Variants in GPC5 observed in about 807,000 individuals in gnomAD.
GPC5 encodes glypican 5, also known as glypican-5.
GPC5 carries 47 observed loss-of-function variants against 53.9 expected under a neutral mutation model. The observed-to-expected ratio is 0.87, with a 90% CI of 0.69 to 1.11. The LOEUF (loss-of-function observed/expected upper bound fraction) is 1.11, where lower values mean the gene tolerates loss of function less well. Among genes scored for constraint, GPC5 ranks in the 50% most tolerant of loss-of-function variants. GPC5 has a pLI of 0.00. For synonymous variants in GPC5, 286 were observed against 263.3 expected (o/e 1.09, Z -0.84); for missense variants, 748 against 713.1 (o/e 1.05, Z -0.56).
At chr13:92,815,197 G>A (rs1877427315) in intron 7 of GPC5, among the ~76,000 whole-genome samples, 1 of 151,938 alleles carries the variant, frequency 6.6e-6, no homozygotes, top group Admixed American at 6.6e-5. Context: ...TAACTGCTAT[G>A]AAAGCAATAG....
At position 92,642,698 on chromosome 13, in the gene GPC5, G is replaced by A. The variant is rs1220691461; in HGVS notation, c.1562-223584G>A. On this transcript the variant is annotated intron_variant, in intron 7 of 7. Transcript: ENST00000377067. ...AAATTTGTAGTTAGACAGTTTAGCC[G>A]AGGGGAGCTTAAATGTTCCATGTAG... 3.9e-5 allele frequency among the ~76,000 whole-genome samples: 6 copies of A among 152,188 alleles called. No individual in the cohort carries two copies. The South Asian group carries it at 6.2e-4, about 16-fold the overall frequency.
chr13:92,085,708 C>T (rs1363467281), intron 6 of GPC5, among the ~76,000 whole-genome samples: 1 of 152,156 alleles, frequency 6.6e-6, no homozygotes, highest in Non-Finnish European at 1.5e-5. Context: ...GTGTTCCCAT[C>T]TGGGGGGTGA....
chr13:92,360,557 A>G (rs553461452), intron 7 of GPC5, among the ~76,000 whole-genome samples: 9 of 150,460 alleles, frequency 6.0e-5, no homozygotes, highest in Admixed American at 3.3e-4. Context: ...ATTTCCCTTA[A>G]AAACTGGCAC....
At chr13:92,559,462 C>G (rs192522065) in intron 7 of GPC5, among the ~76,000 whole-genome samples, 1 of 151,468 alleles carries the variant, frequency 6.6e-6, no homozygotes, top group Non-Finnish European at 1.5e-5. Flanking sequence ...CCCCTCCTGC[C>G]GCTACTCAAT....
In GPC5 at chr13:91,703,879, T is replaced by C. The variant is rs77969122; in HGVS notation, c.1020+9998T>C. ...TTCTTCATGATTCAGTCTTGGTAGT[T>C]TGTATGTTTCTAGGCATTTTTCCAT... On this transcript the variant is annotated intron_variant, in intron 3 of 7. Transcript: ENST00000377067. Among the ~76,000 whole-genome samples, 773 of 152,312 alleles carry C rather than the reference T, an allele frequency of 5.1e-3. 6 individuals are homozygous for C. Among genetic ancestry groups the C allele is most frequent in the African/African-American group, 0.018 (748 of 41,584 alleles).
At chr13:91,405,091 A>G (rs1347628212) in intron 1 of GPC5, among the ~76,000 whole-genome samples, 3 of 152,252 alleles carry the variant, frequency 2.0e-5, no homozygotes, top group African/African-American at 7.2e-5. Context: ...GGTTTCCAGT[A>G]TTCTCTACCA....
chr13:92,051,261 G>A (rs1006207773), intron 6 of GPC5, among the ~76,000 whole-genome samples: 1 of 143,502 alleles, frequency 7.0e-6, no homozygotes, highest in South Asian at 2.2e-4. Context: ...GAGTGCAGTG[G>A]CACCATCTCG....
intron 6 of GPC5, among the ~76,000 whole-genome samples, chr13:91,925,221 C>T (rs1005247591): frequency 2.0e-5 from 3 of 151,704 alleles, no homozygotes; most frequent in South Asian, 2.1e-4. Flanking sequence ...GTATCAATCA[C>T]GTGATATGAA....
intron 7 of GPC5, among the ~76,000 whole-genome samples, chr13:92,826,443 T>A (rs572562143): frequency 6.6e-6 from 1 of 152,204 alleles, no homozygotes; most frequent in East Asian, 1.9e-4. Flanking sequence ...AGACAACATA[T>A]AAATTGCTGC....
chr13:92,784,285 T>A (rs1194702950), intron 7 of GPC5, among the ~76,000 whole-genome samples: 1 of 152,192 alleles, frequency 6.6e-6, no homozygotes, highest in Non-Finnish European at 1.5e-5. Context: ...ATGATAATTA[T>A]AATTAGTGGG....
intron 2 of GPC5, among the ~76,000 whole-genome samples, chr13:91,660,883 C>T (rs115471560): frequency 0.019 from 2,885 of 152,250 alleles, 85 homozygotes; most frequent in African/African-American, 0.066. Context: ...CTAAAAAAAT[C>T]TCTAGTCTTC....
intron 2 of GPC5, among the ~76,000 whole-genome samples, chr13:91,650,778 A>G (rs1407130230): frequency 2.2e-5 from 2 of 92,898 alleles, no homozygotes; most frequent in African/African-American, 1.2e-4. Flanking sequence ...TTTTTAGCAC[A>G]GAAGGCTAAA....
At chr13:91,980,599 G>A (rs769974778) in intron 6 of GPC5, among the ~76,000 whole-genome samples, 4 of 145,046 alleles carry the variant, frequency 2.8e-5, no homozygotes, top group Admixed American at 6.7e-5. Context: ...CCTATCCCTC[G>A]ATGTCCGATG....
intron 6 of GPC5, among the ~76,000 whole-genome samples, chr13:92,011,558 T>C (rs998459857): frequency 3.3e-5 from 5 of 152,172 alleles, no homozygotes; most frequent in African/African-American, 4.8e-5. Context: ...CAGATCTGCC[T>C]CTGGGCACTG....
intron 7 of GPC5, among the ~76,000 whole-genome samples, chr13:92,731,633 T>G (rs185335171): frequency 6.6e-6 from 1 of 151,176 alleles, no homozygotes; most frequent in East Asian, 1.9e-4. Context: ...ATAGGAAAAA[T>G]TACTTAAATT....
chr13:92,304,309 A>G (rs931646072), intron 7 of GPC5, among the ~76,000 whole-genome samples: 1 of 150,570 alleles, frequency 6.6e-6, no homozygotes, highest in Admixed American at 6.6e-5. Context: ...GGTTCACATC[A>G]TTCTCCTGCC....
rs373565940 is a variant in GPC5 at position 91,975,686 on chromosome 13, A to G, written c.1401+67629A>G. On this transcript the variant is annotated intron_variant, in intron 6 of 7. Coordinates refer to ENST00000377067, the MANE Select transcript of GPC5 (RefSeq NM_004466.6). ...ACACTGTTGGTGGGACTGTAAACTA[A>G]TTCAACCATTGTGGAAGTCAGTGTG... is the stretch of plus-strand genomic sequence containing the variant. Among the ~76,000 whole-genome samples, 8 of 152,144 alleles carry G rather than the reference A, an allele frequency of 5.3e-5. No individual in the cohort carries two copies. The South Asian group carries it at 6.2e-4, about 12-fold the overall frequency.
intron 2 of GPC5, among the ~76,000 whole-genome samples, chr13:91,521,390 CCAAAGAA>C (rs1885809020): frequency 6.6e-6 from 1 of 152,098 alleles, no homozygotes; most frequent in African/African-American, 2.4e-5. Flanking sequence ...GAAACACATG[CCAAAGAA>C]CAATTCCAGT....
chr13:92,762,502 TA>T (rs1241010180), intron 7 of GPC5, among the ~76,000 whole-genome samples: 2 of 152,176 alleles, frequency 1.3e-5, no homozygotes, highest in Non-Finnish European at 2.9e-5. Context: ...TCACTGCTTT[TA>T]AAATTATCTC....
Sources: allele counts gnomAD v4.1 joint callset (sites outside exome capture counted in the v4.1 genomes callset), GRCh38; gene constraint gnomAD v4.1.1; transcripts MANE v1.5; gene names NCBI Gene and HGNC (gene_info 2026-07-23, HGNC 2026-07-21).